The following RNF180 variants were observed in gnomAD, a reference collection of about 807,000 sequenced individuals.
The protein encoded by RNF180 is E3 ubiquitin-protein ligase RNF180.
RNF180 carries 38 observed loss-of-function variants against 59.2 expected under a neutral mutation model. That is an observed-to-expected ratio of 0.64 (90% CI 0.50 to 0.84). RNF180 has a LOEUF of 0.84. RNF180 is among the 40% of genes least tolerant of loss of function. The pLI, the probability that RNF180 is intolerant of heterozygous loss-of-function variation, is 0.00. For synonymous variants in RNF180, 262 were observed against 240.3 expected, an observed-to-expected ratio of 1.09 and a Z score of -0.84; for missense variants, 705 against 700.9, an observed-to-expected ratio of 1.01 and a Z score of -0.07.
intron 1 of RNF180, among the ~76,000 whole-genome samples, chr5:64,179,836 C>T (rs1375420711): frequency 6.6e-6 from 1 of 152,068 alleles, no homozygotes; most frequent in Non-Finnish European, 1.5e-5. Flanking sequence ...ATGATTGTGC[C>T]TAGTTATACC....
At chr5:64,281,669 T>TACAG (rs1742017123) in intron 5 of RNF180, among the ~76,000 whole-genome samples, 3 of 152,122 alleles carry the variant, frequency 2.0e-5, no homozygotes, top group Non-Finnish European at 4.4e-5. Context: ...TGGCTAATTT[T>TACAG]GTATTTTCAG....
chr5:64,317,621 TATAC>T (rs767459397), intron 5 of RNF180, among the ~76,000 whole-genome samples: 65 of 110,200 alleles, frequency 5.9e-4, no homozygotes, highest in Non-Finnish European at 8.3e-4. Context: ...CACACACATA[TATAC>T]ACACACACAC....
intron 5 of RNF180, among the ~76,000 whole-genome samples, chr5:64,224,062 GGTGTGTGTGTGTGTGTGTGTGTGT>G (rs10694125): frequency 2.1e-5 from 3 of 141,348 alleles, no homozygotes; most frequent in South Asian, 2.3e-4. Flanking sequence ...TCTAGGTTGG[GGTGTGTGTGTGTGTGTGTGTGTGT>G]GTGTGTGTGT....
At chr5:64,271,204 T>C (rs1186514840) in intron 5 of RNF180, among the ~76,000 whole-genome samples, 1 of 152,072 alleles carries the variant, frequency 6.6e-6, no homozygotes, top group Non-Finnish European at 1.5e-5. Flanking sequence ...TTGCATTAAA[T>C]AAAAATCACA....
chr5:64,350,495 C>G (rs1745755393), intron 7 of RNF180, among the ~76,000 whole-genome samples: 1 of 152,124 alleles, frequency 6.6e-6, no homozygotes, highest in Admixed American at 6.6e-5. Context: ...TGCCTATGTC[C>G]TGAATTGTAT....
intron 7 of RNF180, among the ~76,000 whole-genome samples, chr5:64,348,739 AC>A (rs2112577494): frequency 6.6e-6 from 1 of 152,196 alleles, no homozygotes; most frequent in Admixed American, 6.5e-5. Context: ...AATATTAAGT[AC>A]TAGTAACAAA....
rs1743155500 is a variant in RNF180, at chr5:64,246,271, AGAATT to A, written c.1227+28879_1227+28883del. On this transcript the variant is annotated intron_variant, in intron 5 of 7. Transcript: ENST00000389100. ...GACGAGTAATAACTAAGATTAGAGC[AGAATT>A]GAAGGAGAAGAGACACGAAAAACCC... 5.9e-5 allele frequency among the ~76,000 whole-genome samples: 9 copies of A among 152,316 alleles called. No individual in the cohort carries two copies. In the South Asian group the frequency reaches 1.9e-3, roughly 32 times the overall value.
At chr5:64,237,094 C>T (rs2112221672) in intron 5 of RNF180, among the ~76,000 whole-genome samples, 1 of 152,312 alleles carries the variant, frequency 6.6e-6, no homozygotes, top group Admixed American at 6.5e-5. Flanking sequence ...GGCCACTGTC[C>T]TCCAGACCCC....
Position 64,369,709 on chromosome 5 carries a change from A to T in RNF180, c.1674A>T (p.Gly558=). ...DYLHFEDDSR[G]WWFDMDMVII... The stretch of plus-strand genomic sequence containing the variant: ...TGCACTTTGAGGATGATAGCCGTGG[A>T]TGGTGGTTTGACATGGATATGGTGA... Residue 558 remains glycine (G), a synonymous_variant, in exon 8 of 8, where the codon GGA becomes GGT. Transcript: ENST00000389100. 2 of 1,548,454 alleles carry T rather than the reference A, an allele frequency of 1.3e-6. No homozygotes were observed. The highest frequency in any genetic ancestry group is 1.2e-5 in the South Asian group (1 of 83,800).
chr5:64,337,216 C>G (rs1745165180), intron 7 of RNF180, among the ~76,000 whole-genome samples: 1 of 152,034 alleles, frequency 6.6e-6, no homozygotes. Flanking sequence ...CACTATGTTG[C>G]CTAGGCTGGT....
At chr5:64,188,163 A>G (rs529953069) in intron 1 of RNF180, among the ~76,000 whole-genome samples, 5 of 152,330 alleles carry the variant, frequency 3.3e-5, no homozygotes, top group African/African-American at 1.2e-4. Context: ...TCATGTTAAC[A>G]GCCACGGATG....
chr5:64,186,678 A>T (rs533845923), intron 1 of RNF180, among the ~76,000 whole-genome samples: 1 of 152,296 alleles, frequency 6.6e-6, no homozygotes, highest in East Asian at 1.9e-4. Flanking sequence ...TTTATGGTCC[A>T]ATCAGAAATA....
At chr5:64,336,702 C>T (rs569296117) in intron 7 of RNF180, among the ~76,000 whole-genome samples, 90 of 152,200 alleles carry the variant, frequency 5.9e-4, no homozygotes, top group African/African-American at 2.1e-3. Context: ...AAATATTAGC[C>T]TTTCAGATGC....
chr5:64,352,852 C>G (rs1199274102), intron 7 of RNF180, among the ~76,000 whole-genome samples: 1 of 151,884 alleles, frequency 6.6e-6, no homozygotes, highest in South Asian at 2.1e-4. Flanking sequence ...TAAACAGAAA[C>G]TGGCTGAAGA....
intron 5 of RNF180, among the ~76,000 whole-genome samples, chr5:64,244,643 G>A (rs1020922883): frequency 2.0e-5 from 3 of 152,158 alleles, no homozygotes; most frequent in African/African-American, 7.2e-5. Context: ...GGGGAGAATG[G>A]AACCAAGTTG....
chr5:64,286,395 G>T (rs1742285660), intron 5 of RNF180, among the ~76,000 whole-genome samples: 1 of 152,148 alleles, frequency 6.6e-6, no homozygotes, highest in African/African-American at 2.4e-5. Context: ...AAATTTCTGT[G>T]ATCAATGCAC....
At chr5:64,240,765 T>A (rs961134788) in intron 5 of RNF180, among the ~76,000 whole-genome samples, 5 of 152,216 alleles carry the variant, frequency 3.3e-5, no homozygotes, top group African/African-American at 4.8e-5. Flanking sequence ...GGTATCCACA[T>A]AAGTCCCTTA....
chr5:64,183,701 G>A (rs1189957155), intron 1 of RNF180, among the ~76,000 whole-genome samples: 1 of 152,110 alleles, frequency 6.6e-6, no homozygotes, highest in Non-Finnish European at 1.5e-5. Flanking sequence ...GCCCGCCTTG[G>A]CCGCTGAAAG....
At chr5:64,234,201 C>T (rs1442125441) in intron 5 of RNF180, among the ~76,000 whole-genome samples, 1 of 152,120 alleles carries the variant, frequency 6.6e-6, no homozygotes, top group Non-Finnish European at 1.5e-5. Flanking sequence ...CACAGTGGCT[C>T]ACGCCTATAA....
Sources: gnomAD v4.1 joint callset for allele counts (sites outside exome capture counted in the v4.1 genomes callset) on GRCh38, gnomAD v4.1.1 for gene constraint, MANE v1.5 for transcripts, NCBI Gene and HGNC (gene_info 2026-07-23, HGNC 2026-07-21) for gene names.